Variants in FBXW4 observed in about 807,000 individuals in gnomAD.
FBXW4 encodes F-box and WD repeat domain containing 4, also known as F-box/WD repeat-containing protein 4.
Under a neutral mutation model 61.8 loss-of-function variants are expected in FBXW4, and 40 were observed. The observed-to-expected ratio is 0.65, with a 90% CI of 0.50 to 0.84. The LOEUF is 0.84. Ranked by LOEUF, FBXW4 falls within the 40% of genes least tolerant of loss-of-function variation. FBXW4 has a pLI of 0.00. For synonymous variants in FBXW4, 311 were observed against 313.8 expected (o/e 0.99, Z 0.10); for missense variants, 672 against 753.8 (o/e 0.89, Z 1.27).
intron 5 of FBXW4, among the ~76,000 whole-genome samples, chr10:101,665,508 A>G (rs575253310): frequency 6.6e-6 from 1 of 152,290 alleles, no homozygotes; most frequent in African/African-American, 2.4e-5. Flanking sequence ...CATAAGGCCT[A>G]GGTCTTCACC....
chr10:101,665,905 A>T (rs2064294880), intron 5 of FBXW4, among the ~76,000 whole-genome samples: 1 of 152,194 alleles, frequency 6.6e-6, no homozygotes, highest in Non-Finnish European at 1.5e-5. Flanking sequence ...GGAAGCGCAC[A>T]GACCATCTCC....
intron 5 of FBXW4, among the ~76,000 whole-genome samples, chr10:101,640,205 C>A (rs2064038906): frequency 6.6e-6 from 1 of 152,164 alleles, no homozygotes; most frequent in African/African-American, 2.4e-5. Context: ...TATACCAATG[C>A]CTAAGAACAG....
intron 5 of FBXW4, among the ~76,000 whole-genome samples, chr10:101,648,154 G>GT (rs2064116600): frequency 6.6e-6 from 1 of 152,086 alleles, no homozygotes; most frequent in Admixed American, 6.5e-5. Flanking sequence ...TTGTTTGTTT[G>GT]TTTTTTCCTG....
chr10:101,616,850 C>T (rs1418195891), intron 6 of FBXW4, among the ~76,000 whole-genome samples: 4 of 152,304 alleles, frequency 2.6e-5, no homozygotes, highest in Admixed American at 6.5e-5. Context: ...GTCCAGGCCC[C>T]GATTGTAGAT....
intron 5 of FBXW4, among the ~76,000 whole-genome samples, chr10:101,656,967 C>G (rs532390045): frequency 6.6e-6 from 1 of 152,190 alleles, no homozygotes; most frequent in East Asian, 1.9e-4. Context: ...CATTGAAAAC[C>G]ATGAAAAGGA....
At chr10:101,673,464 G>A (rs1356709370) in intron 3 of FBXW4, 24 bp downstream of exon 3, 36 of 1,612,332 alleles carry the variant, frequency 2.2e-5, no homozygotes, top group Non-Finnish European at 3.1e-5. Context: ...GAAAAGGGTG[G>A]AAGGAGAAAC....
At chr10:101,653,860 C>T (rs1222241098) in intron 5 of FBXW4, among the ~76,000 whole-genome samples, 10 of 152,238 alleles carry the variant, frequency 6.6e-5, no homozygotes, top group East Asian at 3.9e-4. Context: ...CAGTGGCTCA[C>T]GACTGTAATC....
At chr10:101,695,267 CGGGCTG>C (rs1299187084), upstream of FBXW4, 1 of 913,342 alleles carries the variant, frequency 1.1e-6, no homozygotes. The surrounding 1 kb of genome is among the most constrained non-coding windows in gnomAD (Gnocchi z 4.2). Flanking sequence ...CTTCGGGGTG[CGGGCTG>C]GGGCCGGGGC....
intron 5 of FBXW4, among the ~76,000 whole-genome samples, chr10:101,654,949 G>C (rs1253748994): frequency 2.0e-5 from 3 of 152,152 alleles, no homozygotes; most frequent in Non-Finnish European, 4.4e-5. Context: ...TCAGCCTCTT[G>C]AGTAGCTGGG....
chr10:101,639,716 G>T (rs986232805), intron 5 of FBXW4, among the ~76,000 whole-genome samples: 4 of 152,164 alleles, frequency 2.6e-5, no homozygotes, highest in African/African-American at 9.7e-5. Flanking sequence ...AGGAGCACTT[G>T]GCAGCCTCAT....
At position 101,676,572 on chromosome 10, in the gene FBXW4, C is replaced by A. The variant is rs2064410945; in HGVS notation, c.726-136G>T. The A allele has an allele frequency of 6.5e-6, 4 of 619,474 alleles. No homozygotes were observed. The East Asian group carries it at 1.1e-4, about 18-fold the overall frequency. 38.4% of individuals were successfully genotyped at this position (619,474 alleles called of 1,614,324 possible). A position where few individuals can be genotyped will look rare whatever the true frequency, so the allele number is the denominator to read the frequency against. The stretch of plus-strand genomic sequence containing the variant: ...AGATTAGGAGACCAGGAAGGAGTAA[C>A]TGTTCTCTCTCCATACTTGACTAAG... On this transcript the variant is annotated intron_variant, in intron 1 of 8. Transcript: ENST00000331272.
chr10:101,672,414 A>C (rs2064366282), intron 4 of FBXW4, among the ~76,000 whole-genome samples: 1 of 152,180 alleles, frequency 6.6e-6, no homozygotes, highest in African/African-American at 2.4e-5. Flanking sequence ...GCAAAGATGC[A>C]ACAAACAACA....
At chr10:101,632,630 A>C (rs754326204) in intron 5 of FBXW4, among the ~76,000 whole-genome samples, 1 of 152,200 alleles carries the variant, frequency 6.6e-6, no homozygotes, top group Non-Finnish European at 1.5e-5. Flanking sequence ...AAAAACTCTC[A>C]GTACAGTGGA....
chr10:101,617,656 T>G (rs1410159774), intron 6 of FBXW4, among the ~76,000 whole-genome samples: 2 of 152,178 alleles, frequency 1.3e-5, no homozygotes, highest in Non-Finnish European at 2.9e-5. Context: ...CACTTTGTAC[T>G]GCTAACAAGG....
intron 4 of FBXW4, among the ~76,000 whole-genome samples, chr10:101,672,228 G>A (rs1050580663): frequency 1.3e-5 from 2 of 152,218 alleles, no homozygotes; most frequent in African/African-American, 4.8e-5. Flanking sequence ...AAAGGACCAG[G>A]CCTGTGCAGG....
rs2064236577 is a variant in FBXW4, at chr10:101,660,928, T to C, written c.1235+6958A>G. On this transcript the variant is annotated intron_variant, in intron 5 of 8. Transcript: ENST00000331272. ...CTATGCTGTCTAGTTCACTGTTGTC[T>C]CTCTAGTGACCAGAACATGGTAATG... Among the ~76,000 whole-genome samples, 4 of 152,172 alleles carry C rather than the reference T, an allele frequency of 2.6e-5. No individual in the cohort carries two copies. The South Asian group carries it at 6.2e-4, about 24-fold the overall frequency.
intron 1 of FBXW4, among the ~76,000 whole-genome samples, chr10:101,689,255 C>CT (rs2064564902): frequency 6.6e-6 from 1 of 152,160 alleles, no homozygotes; most frequent in Admixed American, 6.5e-5. Flanking sequence ...CTCCATGTTT[C>CT]TGCCTTGAAA....
chr10:101,679,765 G>A (rs1297094170), intron 1 of FBXW4, among the ~76,000 whole-genome samples: 2 of 151,852 alleles, frequency 1.3e-5, no homozygotes, highest in East Asian at 3.9e-4. Flanking sequence ...AGCTTTAGGG[G>A]TACAAATGGT....
At chr10:101,667,781 A>C in intron 5 of FBXW4, 105 bp downstream of exon 5, 1 of 1,027,262 alleles carries the variant, frequency 9.7e-7, no homozygotes, top group Non-Finnish European at 1.5e-6. Context: ...AGTGACTCAA[A>C]GCAACCTAGA....
Sources: gnomAD v4.1 joint callset for allele counts (sites outside exome capture counted in the v4.1 genomes callset) on GRCh38, gnomAD v4.1.1 for gene constraint, Gnocchi (gnomAD v3.1) non-coding constraint, MANE v1.5 for transcripts, NCBI Gene and HGNC (gene_info 2026-07-23, HGNC 2026-07-21) for gene names.